TENM1: variants seen among roughly 807,000 people sequenced by gnomAD.
TENM1 encodes the protein teneurin-1.
TENM1 carries 35 observed loss-of-function variants against 174.8 expected under a neutral mutation model. The ratio of observed to expected loss-of-function variants is 0.20; its 90% CI spans 0.15 to 0.27. The LOEUF is 0.27. Among genes scored for constraint, TENM1 ranks in the 10% least tolerant of loss-of-function variants. The pLI, the probability that TENM1 is intolerant of heterozygous loss-of-function variation, is 1.00. For missense variants in TENM1, 1,633 were observed against 2,130.1 expected, an observed-to-expected ratio of 0.77 and a Z score of 4.59; for synonymous variants, 781 against 798.7, an observed-to-expected ratio of 0.98 and a Z score of 0.37.
chrX:124,516,431 A>G, intron 18 of TENM1, among the ~76,000 whole-genome samples: 1 of 112,232 alleles, frequency 8.9e-6, no homozygotes. Context: ...AGAATAGGAG[A>G]AAATATTTGC....
At chrX:124,470,823 T>A (rs1390472893) in intron 22 of TENM1, among the ~76,000 whole-genome samples, 1 of 109,180 alleles carries the variant, frequency 9.2e-6, no homozygotes, top group African/African-American at 3.3e-5. Context: ...AGAGCTGTCA[T>A]CTATGAAAAC....
chrX:124,848,148 T>C (rs963230079), intron 3 of TENM1, among the ~76,000 whole-genome samples: 3 of 111,249 alleles, frequency 2.7e-5, no homozygotes, highest in Admixed American at 9.6e-5. Context: ...AAATGAGCTA[T>C]TCTCATTCTC....
At chrX:124,443,994 T>A (rs2060938889) in intron 23 of TENM1, among the ~76,000 whole-genome samples, 1 of 112,498 alleles carries the variant, frequency 8.9e-6, no homozygotes, top group African/African-American at 3.2e-5. Flanking sequence ...TTCACCTTTT[T>A]AAAAAGCTGG....
At chrX:124,915,492 T>C (rs2057907674) in intron 1 of TENM1, among the ~76,000 whole-genome samples, 1 of 112,276 alleles carries the variant, frequency 8.9e-6, no homozygotes, top group Admixed American at 9.4e-5. Context: ...ACCACTGCAC[T>C]CTAGCCTATG....
chrX:125,123,001 G>A, the TENM1 span, among the ~76,000 whole-genome samples: 1 of 111,561 alleles, frequency 9.0e-6, no homozygotes, highest in Non-Finnish European at 1.9e-5. Flanking sequence ...TTCTACACAT[G>A]TAGAATCATA....
At chrX:124,860,813 T>G (rs901849525) in intron 3 of TENM1, among the ~76,000 whole-genome samples, 1 of 111,892 alleles carries the variant, frequency 8.9e-6, no homozygotes, top group Non-Finnish European at 1.9e-5. Flanking sequence ...AGATTTACCT[T>G]GGGCTAATTT....
At chrX:124,987,324 C>T in the TENM1 span, among the ~76,000 whole-genome samples, 1 of 111,013 alleles carries the variant, frequency 9.0e-6, no homozygotes, top group African/African-American at 3.3e-5. Context: ...TTAAGTAATA[C>T]AAAATACGGG....
exon 24 of TENM1, chrX:124,422,416 T>C: frequency 1.7e-6 from 2 of 1,211,824 alleles, no homozygotes; most frequent in Admixed American, 4.3e-5. Flanking sequence ...AGCAGCCCGC[T>C]GTGGGAGACA....
At chrX:124,901,781 T>A (rs377051817) in intron 1 of TENM1, among the ~76,000 whole-genome samples, 1 of 111,824 alleles carries the variant, frequency 8.9e-6, no homozygotes, top group Non-Finnish European at 1.9e-5. Flanking sequence ...AGACTATTTT[T>A]TCTAAAATTC....
chrX:124,829,667 A>G (rs751641370), intron 3 of TENM1, among the ~76,000 whole-genome samples: 6 of 112,019 alleles, frequency 5.4e-5, no homozygotes, highest in Non-Finnish European at 1.1e-4. Flanking sequence ...TCTACTTTAA[A>G]AGGGACCAAG....
intron 15 of TENM1, among the ~76,000 whole-genome samples, chrX:124,533,303 T>C (rs781362503): frequency 3.6e-5 from 4 of 112,018 alleles, no homozygotes; most frequent in East Asian, 2.8e-4. Context: ...CACTAAAATA[T>C]AGTTCCTTCC....
intron 11 of TENM1, among the ~76,000 whole-genome samples, chrX:124,636,734 T>C (rs1404000499): frequency 2.7e-5 from 3 of 111,844 alleles, no homozygotes; most frequent in Admixed American, 9.5e-5. Flanking sequence ...ATTAGCCGGG[T>C]CTATGACCTT....
chrX:124,415,216 T>A (rs749991965), intron 25 of TENM1, among the ~76,000 whole-genome samples: 66 of 112,294 alleles, frequency 5.9e-4, no homozygotes, highest in Non-Finnish European at 7.7e-4. Context: ...TTATGAAGGT[T>A]GGAAAGTTGC....
chrX:124,972,247 T>A, the TENM1 span, among the ~76,000 whole-genome samples: 1 of 109,876 alleles, frequency 9.1e-6, no homozygotes. Context: ...AAAAAAAAAA[T>A]TAAATCATAT....
the TENM1 span, among the ~76,000 whole-genome samples, chrX:124,998,090 G>GAAAA: frequency 4.1e-5 from 2 of 48,719 alleles, no homozygotes; most frequent in Non-Finnish European, 9.0e-5. Context: ...TCATTTTAGA[G>GAAAA]AAAAAAAAAA....
intron 6 of TENM1, among the ~76,000 whole-genome samples, chrX:124,655,995 G>A (rs1280857064): frequency 8.9e-6 from 1 of 111,920 alleles, no homozygotes; most frequent in Non-Finnish European, 1.9e-5. Context: ...ACTTCTGTTC[G>A]CAAGTTAATG....
chrX:124,541,424 C>A (rs1002767762), intron 15 of TENM1, among the ~76,000 whole-genome samples: 1 of 111,539 alleles, frequency 9.0e-6, no homozygotes, highest in Non-Finnish European at 1.9e-5. Context: ...AAGTGTTTGT[C>A]ACCTCCTTCT....
chrX:124,968,433 G>GGATTAAGGATTT (rs2058752971), upstream of TENM1, among the ~76,000 whole-genome samples: 1 of 111,402 alleles, frequency 9.0e-6, no homozygotes, highest in Non-Finnish European at 1.9e-5. Flanking sequence ...TTAATTTTAT[G>GGATTAAGGATTT]CATGGAAACC....
intron 3 of TENM1, among the ~76,000 whole-genome samples, chrX:124,830,699 G>T (rs1215395482): frequency 9.0e-6 from 1 of 111,639 alleles, no homozygotes; most frequent in Non-Finnish European, 1.9e-5. Flanking sequence ...GTCTGCGTGT[G>T]AACTCATTTG....
Sources: gnomAD v4.1 joint callset for allele counts (sites outside exome capture counted in the v4.1 genomes callset) on GRCh38, gnomAD v4.1.1 for gene constraint, MANE v1.5 for transcripts, NCBI Gene and HGNC (gene_info 2026-07-23, HGNC 2026-07-21) for gene names.